The following ITPR2 variants were observed in gnomAD, a reference collection of about 807,000 sequenced individuals.
The protein encoded by ITPR2 is inositol 1,4,5-trisphosphate receptor type 2, also known as inositol 1,4,5-trisphosphate-gated calcium channel ITPR2.
In ITPR2, 207 loss-of-function variants were observed where a neutral mutation model predicts 317.1. The observed-to-expected ratio is 0.65, with a 90% CI of 0.58 to 0.73. The LOEUF is 0.73. Among genes scored for constraint, ITPR2 ranks in the 30% least tolerant of loss-of-function variants. ITPR2 has a pLI of 0.00. For synonymous variants in ITPR2, 1,156 were observed against 1,149.1 expected (o/e 1.01, Z -0.12); for missense variants, 2,613 against 3,284.0 (o/e 0.80, Z 4.99).
At chr12:26,627,975 A>C (rs1946658789) in intron 23 of ITPR2, 58 bp downstream of exon 23, 5 of 1,392,214 alleles carry the variant, frequency 3.6e-6, no homozygotes, top group Non-Finnish European at 4.9e-6. Context: ...TATGATAGGT[A>C]CTTTCAAGTT....
chr12:26,815,971 T>C (rs1048036653), intron 1 of ITPR2, among the ~76,000 whole-genome samples: 28 of 151,688 alleles, frequency 1.8e-4, no homozygotes, highest in African/African-American at 6.3e-4. Context: ...CACACGCCTG[T>C]AGTCCCAGCT....
chr12:26,443,479 CT>C, intron 46 of ITPR2, 63 bp downstream of exon 46: 1 of 1,296,656 alleles, frequency 7.7e-7, no homozygotes, highest in South Asian at 1.3e-5. Flanking sequence ...TGAAAATGGT[CT>C]AAAATAGGAA....
chr12:26,417,551 C>T (rs756208422), intron 50 of ITPR2, among the ~76,000 whole-genome samples: 155 of 152,198 alleles, frequency 1.0e-3, no homozygotes, highest in Non-Finnish European at 4.3e-4. Flanking sequence ...CAGTTTCCCC[C>T]GTGCTCTCCT....
intron 55 of ITPR2, among the ~76,000 whole-genome samples, chr12:26,369,875 A>G (rs1939131661): frequency 6.6e-6 from 1 of 152,200 alleles, no homozygotes. Context: ...TATACGGCAG[A>G]TGATTAGGTC....
At chr12:26,417,057 G>C (rs945886591) in intron 50 of ITPR2, among the ~76,000 whole-genome samples, 7 of 152,032 alleles carry the variant, frequency 4.6e-5, no homozygotes, top group African/African-American at 1.4e-4. Flanking sequence ...TCTAGAGTGT[G>C]GTTTTTATTA....
chr12:26,688,850 C>T (rs906261375), intron 10 of ITPR2, among the ~76,000 whole-genome samples: 2 of 152,086 alleles, frequency 1.3e-5, no homozygotes, highest in African/African-American at 4.8e-5. Context: ...ATGAGGAAGC[C>T]TAAGAATTGA....
At chr12:26,412,707 G>T (rs1592000681) in intron 51 of ITPR2, among the ~76,000 whole-genome samples, 1 of 152,110 alleles carries the variant, frequency 6.6e-6, no homozygotes, top group Admixed American at 6.6e-5. Context: ...TTGGAAAAGG[G>T]TCCATCTAAA....
chr12:26,558,961 C>T (rs1472782448), intron 35 of ITPR2, among the ~76,000 whole-genome samples: 2 of 152,226 alleles, frequency 1.3e-5, no homozygotes, highest in South Asian at 2.1e-4. Context: ...CATATCAAAA[C>T]CAGAGTCATC....
chr12:26,616,221 TC>T (rs1236691877), intron 26 of ITPR2, among the ~76,000 whole-genome samples: 2 of 152,092 alleles, frequency 1.3e-5, no homozygotes, highest in African/African-American at 2.4e-5. Context: ...CACTGCAAGC[TC>T]CGCCTCCCGG....
chr12:26,470,059 C>T (rs1316106765), intron 45 of ITPR2, among the ~76,000 whole-genome samples: 1 of 152,160 alleles, frequency 6.6e-6, no homozygotes, highest in East Asian at 1.9e-4. Context: ...CCTCACCAGC[C>T]CCTAGATCAC....
intron 55 of ITPR2, among the ~76,000 whole-genome samples, chr12:26,374,612 T>A (rs142375954): frequency 2.3e-4 from 35 of 152,326 alleles, no homozygotes; most frequent in African/African-American, 7.5e-4. Context: ...TAAACATTTG[T>A]TGAACAGTAA....
At chr12:26,516,275 G>GGGAAAGGAAGGGAAA (rs1943501898) in intron 37 of ITPR2, among the ~76,000 whole-genome samples, 64 of 37,716 alleles carry the variant, frequency 1.7e-3, no homozygotes, top group Non-Finnish European at 2.4e-3. Context: ...AGGAAAGGAA[G>GGGAAAGGAAGGGAAA]GGAAGGGAAG....
intron 55 of ITPR2, among the ~76,000 whole-genome samples, chr12:26,350,332 C>G (rs1199576421): frequency 6.6e-6 from 1 of 152,152 alleles, no homozygotes; most frequent in Non-Finnish European, 1.5e-5. Context: ...TGTTTCCAGA[C>G]CAGCGGGGGA....
chr12:26,726,281 T>C (rs1019696351), intron 2 of ITPR2, among the ~76,000 whole-genome samples: 1 of 152,136 alleles, frequency 6.6e-6, no homozygotes, highest in Non-Finnish European at 1.5e-5. Flanking sequence ...CAATATGATA[T>C]GATGGAAACA....
chr12:26,420,215 T>C (rs1395665919), intron 49 of ITPR2, among the ~76,000 whole-genome samples: 4 of 152,170 alleles, frequency 2.6e-5, no homozygotes, highest in African/African-American at 9.6e-5. Flanking sequence ...GTCTTAGTCA[T>C]CAAGGAAAGA....
chr12:26,600,737 C>T (rs999797092), intron 28 of ITPR2, among the ~76,000 whole-genome samples: 1 of 151,812 alleles, frequency 6.6e-6, no homozygotes, highest in Non-Finnish European at 1.5e-5. Context: ...CTTCTGCTCC[C>T]ATCCCCTTTT....
At chr12:26,474,793 CAAA>C (rs10616680) in intron 45 of ITPR2, among the ~76,000 whole-genome samples, 4,612 of 83,956 alleles carry the variant, frequency 0.055, 44 homozygotes, top group Middle Eastern at 0.15. Context: ...GACTCCGTCT[CAAA>C]AAAAAAAAAA....
chr12:26,793,022 A>G (rs1298120129), intron 1 of ITPR2, among the ~76,000 whole-genome samples: 1 of 152,148 alleles, frequency 6.6e-6, no homozygotes, highest in African/African-American at 2.4e-5. Flanking sequence ...TGCAACCTAC[A>G]ATTTTAGTAG....
At chr12:26,393,157 C>T (rs745697034) in intron 54 of ITPR2, among the ~76,000 whole-genome samples, 4 of 152,190 alleles carry the variant, frequency 2.6e-5, no homozygotes, top group Non-Finnish European at 4.4e-5. Flanking sequence ...TCTGGGTGTC[C>T]CTTGGCACAC....
Sources: gnomAD v4.1 joint callset for allele counts (sites outside exome capture counted in the v4.1 genomes callset) on GRCh38, gnomAD v4.1.1 for gene constraint, MANE v1.5 for transcripts, NCBI Gene and HGNC (gene_info 2026-07-23, HGNC 2026-07-21) for gene names.